The following SDK1 variants were observed in gnomAD, a reference collection of about 807,000 sequenced individuals.
SDK1 encodes sidekick cell adhesion molecule 1.
A neutral mutation model predicts 245.5 loss-of-function variants in SDK1; 157 were observed. That is an observed-to-expected ratio of 0.64 (90% CI 0.56 to 0.73). The LOEUF (loss-of-function observed/expected upper bound fraction) is 0.73. Ranked by LOEUF, SDK1 falls within the 30% of genes least tolerant of loss-of-function variation. The pLI is 0.00. For synonymous variants in SDK1, 1,647 were observed against 1,278.5 expected (o/e 1.29, Z -6.15); for missense variants, 3,583 against 3,002.3 (o/e 1.19, Z -4.52).
At chr7:3,877,591 A>G (rs1360604949) in intron 5 of SDK1, among the ~76,000 whole-genome samples, 2 of 152,246 alleles carry the variant, frequency 1.3e-5, no homozygotes, top group Non-Finnish European at 2.9e-5. Flanking sequence ...CTTTGGTTAT[A>G]AAAGTATTAA....
intron 35 of SDK1, among the ~76,000 whole-genome samples, chr7:4,195,757 G>A (rs999591820): frequency 1.3e-5 from 2 of 152,104 alleles, no homozygotes; most frequent in East Asian, 3.9e-4. Flanking sequence ...GACCAGATCC[G>A]CAGAGGGCCC....
intron 1 of SDK1, among the ~76,000 whole-genome samples, chr7:3,557,793 T>G (rs900217808): frequency 6.6e-6 from 1 of 152,156 alleles, no homozygotes; most frequent in African/African-American, 2.4e-5. Flanking sequence ...GCTTGTTACT[T>G]TAGGAGTTGA....
chr7:4,017,488 C>A, intron 17 of SDK1, 136 bp downstream of exon 17: 1 of 657,974 alleles, frequency 1.5e-6, no homozygotes, highest in Non-Finnish European at 2.5e-6. Context: ...AAATTCATCA[C>A]GTATTTAATG....
intron 8 of SDK1, among the ~76,000 whole-genome samples, chr7:3,961,966 T>C (rs1470224616): frequency 6.6e-6 from 1 of 150,426 alleles, no homozygotes; most frequent in Non-Finnish European, 1.5e-5. Context: ...CATACACACA[T>C]AAACACATGC....
At chr7:3,859,233 C>T (rs1167832957) in intron 5 of SDK1, among the ~76,000 whole-genome samples, 1 of 152,064 alleles carries the variant, frequency 6.6e-6, no homozygotes. Flanking sequence ...TGGTTGGGGG[C>T]TCAACTTTGA....
intron 1 of SDK1, among the ~76,000 whole-genome samples, chr7:3,338,861 G>A (rs1200550451): frequency 6.6e-6 from 1 of 152,020 alleles, no homozygotes; most frequent in African/African-American, 2.4e-5. Context: ...AATAAATGAA[G>A]GTGGAATTAT....
intron 5 of SDK1, among the ~76,000 whole-genome samples, chr7:3,900,011 A>C (rs185726246): frequency 2.0e-4 from 30 of 152,390 alleles, no homozygotes; most frequent in African/African-American, 6.7e-4. Flanking sequence ...AGCCATGTGG[A>C]AAGCTGTAAT....
chr7:3,674,071 T>A (rs147482541), intron 4 of SDK1, among the ~76,000 whole-genome samples: 1 of 152,064 alleles, frequency 6.6e-6, no homozygotes, highest in Non-Finnish European at 1.5e-5. Context: ...GAAGAGAGAA[T>A]AGGAGAAAAA....
rs200034994 is a variant in SDK1, at chr7:3,687,056, AACACACACACACAC to A, written c.713+44982_713+44995del. ...CCAAACTGGGTTGGGATAGCATCAAAACACACACACACACACACACACACACACACACACACACA... is the reference window on the plus strand; with the variant it reads ...CCAAACTGGGTTGGGATAGCATCAAAACACACACACACACACACACACACA... On this transcript the variant is annotated intron_variant, in intron 4 of 44. Coordinates refer to ENST00000404826, the MANE Select transcript of SDK1 (RefSeq NM_152744.4). Among the ~76,000 whole-genome samples the A allele has an allele frequency of 5.9e-3, 803 of 135,228 alleles. 4 individuals are homozygous for A. Among genetic ancestry groups the A allele is most frequent in the East Asian group, 0.015 (74 of 4,806 alleles). The allele number at this position is 135,228 out of a possible 152,430, so 88.7% of individuals were successfully genotyped here.
chr7:4,041,231 C>T (rs1194824776), intron 17 of SDK1, among the ~76,000 whole-genome samples: 1 of 151,438 alleles, frequency 6.6e-6, no homozygotes, highest in Non-Finnish European at 1.5e-5. Flanking sequence ...CAGATCCTCT[C>T]AAGAGAGTTA....
chr7:3,570,480 G>A (rs1381806558), intron 1 of SDK1, among the ~76,000 whole-genome samples: 2 of 152,282 alleles, frequency 1.3e-5, no homozygotes, highest in Admixed American at 1.3e-4. Context: ...ACAGCCCGGA[G>A]TTGGGGATCC....
At chr7:3,688,540 A>C (rs1784354852) in intron 4 of SDK1, among the ~76,000 whole-genome samples, 1 of 152,252 alleles carries the variant, frequency 6.6e-6, no homozygotes, top group African/African-American at 2.4e-5. Flanking sequence ...TTAGTATTAT[A>C]ATTAGAAGCA....
At chr7:3,571,295 G>C (rs538119153) in intron 1 of SDK1, among the ~76,000 whole-genome samples, 1 of 151,944 alleles carries the variant, frequency 6.6e-6, no homozygotes, top group African/African-American at 2.4e-5. Flanking sequence ...TAAGAGAGCA[G>C]CTTTTTAATT....
rs188446819 is a variant in SDK1, at chr7:4,056,014, T to A, written c.2911+4184T>A. Among the ~76,000 whole-genome samples, 1,031 of 152,324 alleles carry A rather than the reference T, an allele frequency of 6.8e-3. 11 individuals carry two copies. Among genetic ancestry groups the A allele is most frequent in the Non-Finnish European group, 0.011 (756 of 68,022 alleles). ...CACACTTCATATAATTTTAGTTATT[T>A]TATATTTGTTGAAGTTTGTTTAATG... On this transcript the variant is annotated intron_variant, in intron 19 of 44. Coordinates refer to ENST00000404826, the MANE Select transcript of SDK1 (RefSeq NM_152744.4).
chr7:3,577,935 T>G (rs1426108002), intron 1 of SDK1, among the ~76,000 whole-genome samples: 1 of 152,000 alleles, frequency 6.6e-6, no homozygotes, highest in Non-Finnish European at 1.5e-5. Flanking sequence ...CTGGAGCTCT[T>G]AGAGAAATGA....
intron 14 of SDK1, among the ~76,000 whole-genome samples, chr7:3,998,589 G>C (rs978580235): frequency 6.6e-6 from 1 of 152,166 alleles, no homozygotes; most frequent in Admixed American, 6.5e-5. Context: ...CCCCTGGACA[G>C]GTTTCAGAGC....
At chr7:3,444,614 C>T (rs1232059466) in intron 1 of SDK1, among the ~76,000 whole-genome samples, 2 of 152,154 alleles carry the variant, frequency 1.3e-5, no homozygotes, top group Non-Finnish European at 2.9e-5. Context: ...TAGTGTTCGC[C>T]TTAGATGGCC....
chr7:4,179,783 G>T (rs1041638111), intron 35 of SDK1, among the ~76,000 whole-genome samples: 1 of 151,944 alleles, frequency 6.6e-6, no homozygotes, highest in African/African-American at 2.4e-5. Context: ...GTGCCACTGC[G>T]GACGGCGGCC....
In SDK1 at chr7:3,733,234, C is replaced by G. The variant is rs76375076; in HGVS notation, c.714-88216C>G. ...TATGTCCTTAAATAGGTCCCTTGAA[C>G]CAAATTTAGTATCCCAGAATATGCA... is the stretch of plus-strand genomic sequence containing the variant. On this transcript the variant is annotated intron_variant, in intron 4 of 44. Coordinates refer to ENST00000404826, the MANE Select transcript of SDK1 (RefSeq NM_152744.4). 3.9e-3 allele frequency among the ~76,000 whole-genome samples: 597 copies of G among 152,196 alleles called. 4 individuals carry two copies. The highest frequency in any genetic ancestry group is 0.013 in the African/African-American group (522 of 41,522).
Sources: allele counts gnomAD v4.1 joint callset (sites outside exome capture counted in the v4.1 genomes callset), GRCh38; gene constraint gnomAD v4.1.1; transcripts MANE v1.5; gene names NCBI Gene and HGNC (gene_info 2026-07-23, HGNC 2026-07-21).